The following NKAIN2 variants were observed in gnomAD, a reference collection of about 807,000 sequenced individuals.
NKAIN2 encodes sodium/potassium-transporting ATPase subunit beta-1-interacting protein 2.
A neutral mutation model predicts 32.6 loss-of-function variants in NKAIN2; 14 were observed. The ratio of observed to expected loss-of-function variants is 0.43; its 90% CI spans 0.28 to 0.67. The LOEUF (loss-of-function observed/expected upper bound fraction) is 0.67, where lower values mean the gene tolerates loss of function less well. NKAIN2 is among the 30% of genes least tolerant of loss of function. The pLI is 0.17. For missense variants in NKAIN2, 198 were observed against 258.3 expected (o/e 0.77, Z 1.60); for synonymous variants, 80 against 87.2 (o/e 0.92, Z 0.46).
intron 4 of NKAIN2, among the ~76,000 whole-genome samples, chr6:124,720,871 T>G (rs1205947805): frequency 6.6e-6 from 1 of 152,210 alleles, no homozygotes; most frequent in Non-Finnish European, 1.5e-5. Context: ...TAGGTCCCAG[T>G]ATTAAAATCA....
At chr6:124,568,478 C>T (rs1479361411) in intron 3 of NKAIN2, among the ~76,000 whole-genome samples, 1 of 152,080 alleles carries the variant, frequency 6.6e-6, no homozygotes, top group African/African-American at 2.4e-5. Flanking sequence ...ATATTATTTT[C>T]ATTTATAGAT....
chr6:124,369,880 ATTT>A (rs61588781), intron 3 of NKAIN2, among the ~76,000 whole-genome samples: 5 of 82,368 alleles, frequency 6.1e-5, no homozygotes, highest in East Asian at 7.2e-4. Context: ...CAGAATGTCA[ATTT>A]TTTTTTTTTT....
intron 3 of NKAIN2, among the ~76,000 whole-genome samples, chr6:124,380,363 A>G (rs1190811582): frequency 6.6e-6 from 1 of 152,220 alleles, no homozygotes; most frequent in East Asian, 1.9e-4. Context: ...TAGGGACTAT[A>G]TTTCATGTCT....
chr6:124,359,277 A>G (rs1583119400), intron 3 of NKAIN2, among the ~76,000 whole-genome samples: 1 of 152,076 alleles, frequency 6.6e-6, no homozygotes, highest in Non-Finnish European at 1.5e-5. Context: ...TTCCATATGA[A>G]CTTTAAAGTA....
chr6:124,725,179 G>A (rs1776210962), intron 4 of NKAIN2, among the ~76,000 whole-genome samples: 1 of 152,040 alleles, frequency 6.6e-6, no homozygotes, highest in African/African-American at 2.4e-5. Context: ...CACTTCTCAT[G>A]CCCTCTATCA....
intron 3 of NKAIN2, among the ~76,000 whole-genome samples, chr6:124,361,526 A>G (rs914349307): frequency 2.0e-5 from 3 of 152,032 alleles, no homozygotes; most frequent in Non-Finnish European, 4.4e-5. Flanking sequence ...ATGCAGGTAT[A>G]TCTCTCTCAG....
intron 1 of NKAIN2, among the ~76,000 whole-genome samples, chr6:124,223,058 A>C (rs1289437427): frequency 6.6e-6 from 1 of 151,816 alleles, no homozygotes; most frequent in East Asian, 1.9e-4. Context: ...CTGAAAATAC[A>C]AAAAATTAGC....
intron 1 of NKAIN2, among the ~76,000 whole-genome samples, chr6:124,125,681 C>A (rs1450528442): frequency 6.6e-6 from 1 of 152,188 alleles, no homozygotes; most frequent in Non-Finnish European, 1.5e-5. Flanking sequence ...CAGGCACTAA[C>A]AATTCAAGAG....
chr6:124,179,872 A>G (rs1429460214), intron 1 of NKAIN2, among the ~76,000 whole-genome samples: 1 of 152,240 alleles, frequency 6.6e-6, no homozygotes, highest in African/African-American at 2.4e-5. Flanking sequence ...TGTCATTTTT[A>G]ATAATTAACT....
At position 124,803,857 on chromosome 6, in the gene NKAIN2, CT is replaced by C. The variant is rs1476869247; in HGVS notation, c.535+12462del. ...TTTTGAAGCATAATTCCAATCATTC[CT>C]TTTGTATAAATCCTTTTTGAAAAGA... On this transcript the variant is annotated intron_variant, in intron 5 of 6. Coordinates refer to ENST00000368417, the MANE Select transcript of NKAIN2 (RefSeq NM_001040214.3). 5.3e-5 allele frequency among the ~76,000 whole-genome samples: 8 copies of C among 152,274 alleles called. No individual in the cohort carries two copies. In the South Asian group the frequency reaches 6.2e-4, roughly 12 times the overall value.
chr6:124,311,790 T>C (rs1796729799), intron 2 of NKAIN2, among the ~76,000 whole-genome samples: 1 of 152,182 alleles, frequency 6.6e-6, no homozygotes, highest in African/African-American at 2.4e-5. Flanking sequence ...AAAGAGACCA[T>C]TGCCTGTCTG....
chr6:123,907,005 A>G (rs1774912860), intron 1 of NKAIN2, among the ~76,000 whole-genome samples: 1 of 152,202 alleles, frequency 6.6e-6, no homozygotes, highest in African/African-American at 2.4e-5. Context: ...TTGATCTTTG[A>G]TTAATGCTAG....
Position 124,283,042 on chromosome 6 carries a change from G to A in NKAIN2, c.92G>A (p.Gly31Glu). The A allele has an allele frequency of 6.2e-7, 1 of 1,613,332 alleles. No individual in the cohort carries two copies. The highest frequency in any genetic ancestry group is 8.5e-7 in the Non-Finnish European group (1 of 1,179,450). Residue 31 changes from glycine (G) to glutamate (E), a missense_variant, in exon 2 of 7, where the codon GGA becomes GAA. Physicochemically the swap from Gly to Glu is moderately conservative, Grantham distance 98. Transcript: ENST00000368417. ...GAGAGGCAAATATTTGACTTCCTTG[G>A]ATATCAGTGGGCACCTATCCTGGCA... The part of the protein sequence containing the change: ...VLERQIFDFL[G>E]YQWAPILANF...
intron 2 of NKAIN2, among the ~76,000 whole-genome samples, chr6:124,292,965 A>C (rs1235423253): frequency 6.6e-6 from 1 of 152,126 alleles, no homozygotes; most frequent in Non-Finnish European, 1.5e-5. Context: ...CAAGAAAAAC[A>C]ATCTACCCCT....
intron 3 of NKAIN2, among the ~76,000 whole-genome samples, chr6:124,544,916 A>C (rs1157508217): frequency 2.0e-5 from 3 of 152,276 alleles, no homozygotes; most frequent in Admixed American, 2.0e-4. Flanking sequence ...TAATTTGATG[A>C]TAAAAAGTCA....
chr6:124,467,117 T>C (rs1015001488), intron 3 of NKAIN2, among the ~76,000 whole-genome samples: 4 of 152,096 alleles, frequency 2.6e-5, no homozygotes, highest in Admixed American at 6.6e-5. Flanking sequence ...CATGAGTCAA[T>C]GTTTATTTTG....
chr6:124,326,738 C>G (rs1797432986), intron 2 of NKAIN2, among the ~76,000 whole-genome samples: 1 of 152,104 alleles, frequency 6.6e-6, no homozygotes, highest in South Asian at 2.1e-4. Context: ...AATATAGATG[C>G]CTGGTATAAT....
At chr6:124,811,104 C>G (rs954517025) in intron 5 of NKAIN2, among the ~76,000 whole-genome samples, 11 of 152,012 alleles carry the variant, frequency 7.2e-5, no homozygotes, top group African/African-American at 2.7e-4. Context: ...AGCTAAGTAC[C>G]CTTGGAATTC....
chr6:124,348,660 C>A (rs1005345906), intron 2 of NKAIN2, among the ~76,000 whole-genome samples: 14 of 152,196 alleles, frequency 9.2e-5, no homozygotes, highest in Admixed American at 2.6e-4. Context: ...CAGCTCCCAG[C>A]ATGAGCGACG....
Sources: allele counts gnomAD v4.1 joint callset (sites outside exome capture counted in the v4.1 genomes callset), GRCh38; gene constraint gnomAD v4.1.1; transcripts MANE v1.5; gene names NCBI Gene and HGNC (gene_info 2026-07-23, HGNC 2026-07-21).